Variants in ABCA13 observed in about 807,000 individuals in gnomAD.
The protein encoded by ABCA13 is ATP binding cassette subfamily A member 13.
Under a neutral mutation model 478.7 loss-of-function variants are expected in ABCA13, and 476 were observed. The observed-to-expected ratio is 0.99, with a 90% confidence interval of 0.92 to 1.07. The LOEUF (loss-of-function observed/expected upper bound fraction) is 1.07, where lower values mean the gene tolerates loss of function less well. Among genes scored for constraint, ABCA13 ranks in the 50% least tolerant of loss-of-function variants. The pLI is 0.00. For missense variants in ABCA13, 6,060 were observed against 5,910.6 expected (o/e 1.03, Z -0.83); for synonymous variants, 2,252 against 2,158.9 (o/e 1.04, Z -1.20).
chr7:48,380,748 G>A (rs1239627174), intron 35 of ABCA13, among the ~76,000 whole-genome samples: 1 of 152,124 alleles, frequency 6.6e-6, no homozygotes, highest in African/African-American at 2.4e-5. Context: ...TTGAAGGAGT[G>A]CAGTTACTGA....
chr7:48,239,534 C>A (rs1790494886), intron 9 of ABCA13, 129 bp downstream of exon 9: 4 of 1,101,916 alleles, frequency 3.6e-6, no homozygotes, highest in Non-Finnish European at 2.5e-6. Flanking sequence ...GCCTTAGGAG[C>A]CCCACATCCT....
intron 55 of ABCA13, among the ~76,000 whole-genome samples, chr7:48,546,291 A>G (rs1563419251): frequency 6.6e-6 from 1 of 151,926 alleles, no homozygotes; most frequent in Non-Finnish European, 1.5e-5. Flanking sequence ...CAGCACAGAT[A>G]CAAAACATTT....
At chr7:48,633,539 A>G (rs796212501) in intron 59 of ABCA13, among the ~76,000 whole-genome samples, 7 of 152,282 alleles carry the variant, frequency 4.6e-5, no homozygotes, top group African/African-American at 1.7e-4. Context: ...GCCAGTCTCA[A>G]TAAATTCAAA....
At chr7:48,238,700 C>G (rs915951693) in intron 8 of ABCA13, among the ~76,000 whole-genome samples, 1 of 152,166 alleles carries the variant, frequency 6.6e-6, no homozygotes, top group Non-Finnish European at 1.5e-5. Context: ...TATCTCCTGA[C>G]CTCGTGATCC....
intron 8 of ABCA13, 51 bp downstream of exon 8, chr7:48,234,202 G>C (rs1349091868): frequency 5.0e-6 from 8 of 1,612,536 alleles, no homozygotes; most frequent in Non-Finnish European, 5.1e-6. Flanking sequence ...CTGGAGACTG[G>C]ATCTAGAGCA....
At chr7:48,356,309 A>G (rs1295000174) in intron 31 of ABCA13, among the ~76,000 whole-genome samples, 2 of 151,942 alleles carry the variant, frequency 1.3e-5, no homozygotes, top group Non-Finnish European at 2.9e-5. Flanking sequence ...TTGGAGGGGT[A>G]GAATTGGAGA....
intron 5 of ABCA13, among the ~76,000 whole-genome samples, chr7:48,226,939 A>G (rs1440864202): frequency 6.6e-6 from 1 of 152,142 alleles, no homozygotes; most frequent in Non-Finnish European, 1.5e-5. Context: ...GATCTATGTC[A>G]CAGACTTTGT....
At chr7:48,402,623 C>T (rs1014130197) in intron 38 of ABCA13, among the ~76,000 whole-genome samples, 8 of 152,174 alleles carry the variant, frequency 5.3e-5, no homozygotes, top group African/African-American at 1.9e-4. Context: ...CTTTCTAGTT[C>T]AGGATGGGAA....
At chr7:48,305,010 T>C (rs1800692744) in intron 23 of ABCA13, among the ~76,000 whole-genome samples, 1 of 152,250 alleles carries the variant, frequency 6.6e-6, no homozygotes, top group South Asian at 2.1e-4. Flanking sequence ...CTAATTCTTA[T>C]TCATCTTTTC....
chr7:48,327,046 T>G (rs1339980165), intron 27 of ABCA13, among the ~76,000 whole-genome samples: 10 of 152,204 alleles, frequency 6.6e-5, no homozygotes, highest in Non-Finnish European at 1.2e-4. Context: ...GCAGATTGAA[T>G]CACTCTTTAT....
chr7:48,187,900 T>C (rs1189524615), intron 1 of ABCA13, among the ~76,000 whole-genome samples: 1 of 152,212 alleles, frequency 6.6e-6, no homozygotes, highest in Non-Finnish European at 1.5e-5. Flanking sequence ...TTTTGTTTTC[T>C]TTTTCTTTTT....
At chr7:48,444,978 C>T (rs1051179811) in intron 42 of ABCA13, among the ~76,000 whole-genome samples, 10 of 151,682 alleles carry the variant, frequency 6.6e-5, no homozygotes, top group Admixed American at 5.9e-4. Context: ...ACACTGCAGC[C>T]AAGTCTTTCT....
At chr7:48,559,422 G>C (rs949933258) in intron 55 of ABCA13, among the ~76,000 whole-genome samples, 35 of 152,036 alleles carry the variant, frequency 2.3e-4, no homozygotes, top group African/African-American at 4.8e-5. Flanking sequence ...TCAAGGCAGT[G>C]GGCTCCCTTC....
At chr7:48,643,935 G>A (rs1020848119) in intron 60 of ABCA13, among the ~76,000 whole-genome samples, 5 of 152,124 alleles carry the variant, frequency 3.3e-5, no homozygotes, top group Admixed American at 1.3e-4. Flanking sequence ...AAGGTGACCC[G>A]GAGATTCCTA....
intron 58 of ABCA13, among the ~76,000 whole-genome samples, chr7:48,612,489 A>C (rs4917024): frequency 0.71 from 107,961 of 152,088 alleles, 38,713 homozygotes; most frequent in African/African-American, 0.79. Context: ...TGTTTTTCTT[A>C]CTAGGTAGTT....
At chr7:48,597,230 G>A (rs967666060) in intron 58 of ABCA13, among the ~76,000 whole-genome samples, 7 of 152,138 alleles carry the variant, frequency 4.6e-5, no homozygotes, top group South Asian at 2.1e-4. Flanking sequence ...GATTACAGGC[G>A]TGAGCCACCA....
chr7:48,224,171 A>G (rs1217649637), intron 5 of ABCA13, among the ~76,000 whole-genome samples: 3 of 152,144 alleles, frequency 2.0e-5, no homozygotes, highest in Non-Finnish European at 4.4e-5. Context: ...GAGCTCAGAC[A>G]TCTGGTCACA....
At chr7:48,289,026 G>T (rs781296849) in intron 20 of ABCA13, among the ~76,000 whole-genome samples, 1 of 152,180 alleles carries the variant, frequency 6.6e-6, no homozygotes, top group Non-Finnish European at 1.5e-5. Flanking sequence ...CTGTGAGTAT[G>T]AGATTATCAC....
intron 20 of ABCA13, among the ~76,000 whole-genome samples, chr7:48,288,875 A>G (rs1798123654): frequency 6.6e-6 from 1 of 152,166 alleles, no homozygotes; most frequent in African/African-American, 2.4e-5. Flanking sequence ...CTAGAATTAA[A>G]GACCCCTGGG....
Sources: gnomAD v4.1 joint callset for allele counts (sites outside exome capture counted in the v4.1 genomes callset) on GRCh38, gnomAD v4.1.1 for gene constraint, MANE v1.5 for transcripts, NCBI Gene and HGNC (gene_info 2026-07-23, HGNC 2026-07-21) for gene names.